Variants in PPP1R36 observed in about 807,000 individuals in gnomAD.
PPP1R36 encodes protein phosphatase 1 regulatory subunit 36.
Under a neutral mutation model 53.4 loss-of-function variants are expected in PPP1R36, and 47 were observed. The ratio of observed to expected loss-of-function variants is 0.88; its 90% CI spans 0.70 to 1.12. The LOEUF (loss-of-function observed/expected upper bound fraction) is 1.12, where lower values mean the gene tolerates loss of function less well. PPP1R36 is among the 50% of genes most tolerant of loss of function. PPP1R36 has a pLI of 0.00. For synonymous variants in PPP1R36, 153 were observed against 170.5 expected (o/e 0.90, Z 0.80); for missense variants, 456 against 513.9 (o/e 0.89, Z 1.09).
chr14:64,571,672 G>A (rs894255085), intron 7 of PPP1R36, among the ~76,000 whole-genome samples: 3 of 152,072 alleles, frequency 2.0e-5, no homozygotes, highest in Non-Finnish European at 4.4e-5. Context: ...TGACCGTATT[G>A]CTGCTCCCTT....
At chr14:64,570,308 C>T (rs2080292943) in intron 7 of PPP1R36, among the ~76,000 whole-genome samples, 1 of 151,806 alleles carries the variant, frequency 6.6e-6, no homozygotes, top group South Asian at 2.1e-4. Flanking sequence ...ATGGTGAAAC[C>T]CCATCTCTAC....
At chr14:64,567,364 T>TA (rs1355719339) in intron 6 of PPP1R36, among the ~76,000 whole-genome samples, 13 of 152,184 alleles carry the variant, frequency 8.5e-5, no homozygotes, top group Non-Finnish European at 1.5e-4. Flanking sequence ...TATAATATTT[T>TA]TAAAAAAACC....
chr14:64,580,537 GC>G (rs1268283026), intron 8 of PPP1R36, among the ~76,000 whole-genome samples: 4 of 152,086 alleles, frequency 2.6e-5, no homozygotes, highest in African/African-American at 9.7e-5. Context: ...GTAGATGATG[GC>G]CTCTGGTTAG....
intron 8 of PPP1R36, among the ~76,000 whole-genome samples, chr14:64,582,080 A>G (rs2080393987): frequency 1.3e-5 from 2 of 152,074 alleles, no homozygotes; most frequent in South Asian, 4.2e-4. Flanking sequence ...GCTGACGGGG[A>G]AAAAGGGAGT....
chr14:64,554,142 G>GTTTTTTTTTTTT (rs367753961), intron 3 of PPP1R36, among the ~76,000 whole-genome samples: 2 of 65,290 alleles, frequency 3.1e-5, no homozygotes, highest in African/African-American at 1.2e-4. Context: ...CATCACAATT[G>GTTTTTTTTTTTT]TTTTTTTTTT....
At chr14:64,558,189 A>G (rs1234906913) in intron 3 of PPP1R36, among the ~76,000 whole-genome samples, 5 of 152,176 alleles carry the variant, frequency 3.3e-5, no homozygotes, top group African/African-American at 1.2e-4. Flanking sequence ...ATCCATAGGG[A>G]CTAGGTGAGA....
intron 8 of PPP1R36, among the ~76,000 whole-genome samples, chr14:64,577,101 A>G (rs1025241886): frequency 6.6e-6 from 1 of 152,174 alleles, no homozygotes; most frequent in Non-Finnish European, 1.5e-5. Context: ...GGCTCTGGTG[A>G]GGGCCCTCTT....
chr14:64,551,056 G>A (rs2080090768), intron 2 of PPP1R36, 71 bp downstream of exon 2: 2 of 996,304 alleles, frequency 2.0e-6, no homozygotes, highest in South Asian at 2.9e-5. Flanking sequence ...AAAAGCAACA[G>A]AAGAGTATAG....
chr14:64,574,518 CT>C lies in PPP1R36; in HGVS notation c.599del (p.Leu200TrpfsTer57), dbSNP rs763355100. 2 of 1,613,954 alleles carry C rather than the reference CT, an allele frequency of 1.2e-6. No individual in the cohort carries two copies. The highest frequency in any genetic ancestry group is 1.7e-6 in the Non-Finnish European group (2 of 1,179,962). On this transcript the variant is annotated frameshift_variant, in exon 8 of 12. Transcript: ENST00000298705. LOFTEE classifies it high-confidence loss of function. Reference protein sequence around the residue: ...LSELEAAQRYLAQKYCILVLG... With the variant: ...LSELEAAQRYXAQKYCILVLG... ...GTGAATTAGAAGCAGCACAGAGGTA[CT>C]TGGCGCAGAAGTACTGTATCCTTGT...
Position 64,571,636 on chromosome 14 carries a change from T to C in PPP1R36, c.534-2819T>C, listed in dbSNP as rs576285627. ...AAGACTCACTCATAAGTTAGGTTAA[T>C]AAGCATCAAGTCCTTAAACAATACC... On this transcript the variant is annotated intron_variant, in intron 7 of 11. Coordinates refer to ENST00000298705, the MANE Select transcript of PPP1R36 (RefSeq NM_172365.3). Among the ~76,000 whole-genome samples, 8 of 152,300 alleles carry C rather than the reference T, an allele frequency of 5.3e-5. No individual in the cohort carries two copies. The East Asian group carries it at 1.5e-3, about 29-fold the overall frequency.
intron 8 of PPP1R36, among the ~76,000 whole-genome samples, chr14:64,576,387 C>T (rs185364886): frequency 3.3e-5 from 5 of 152,182 alleles, no homozygotes; most frequent in African/African-American, 1.2e-4. Context: ...CGCCCTAATT[C>T]GTTCTTTAGT....
Position 64,564,831 on chromosome 14 carries a change from C to A in PPP1R36, c.263C>A (p.Ser88Ter). ...VHFAETDGPASDRLTDKRLAA... is the reference protein window; with the variant it reads ...VHFAETDGPA ...TTTGCAGAAACTGATGGTCCAGCTT[C>A]AGACAGGTAGATTAACTTCCCAATC... Residue 88 changes from serine to a stop codon, truncating the protein, a stop_gained, in exon 4 of 12, where the codon TCA becomes TAA. Coordinates refer to ENST00000298705, the MANE Select transcript of PPP1R36 (RefSeq NM_172365.3). LOFTEE classifies it high-confidence loss of function. 6.2e-7 allele frequency: 1 copy of A among 1,601,420 alleles called. No homozygotes were observed. Among genetic ancestry groups the A allele is most frequent in the Non-Finnish European group, 8.5e-7 (1 of 1,174,282 alleles).
chr14:64,577,682 A>G (rs2080353682), intron 8 of PPP1R36, among the ~76,000 whole-genome samples: 1 of 149,586 alleles, frequency 6.7e-6, no homozygotes, highest in South Asian at 2.1e-4. Flanking sequence ...AACATATCCA[A>G]CATCATAGCA....
intron 7 of PPP1R36, among the ~76,000 whole-genome samples, chr14:64,571,933 G>A (rs2080306993): frequency 6.6e-6 from 1 of 152,026 alleles, no homozygotes; most frequent in Admixed American, 6.5e-5. Context: ...AACAGCATGG[G>A]AAAGACCCGC....
At chr14:64,555,265 C>T (rs1230964149) in intron 3 of PPP1R36, among the ~76,000 whole-genome samples, 1 of 152,176 alleles carries the variant, frequency 6.6e-6, no homozygotes, top group African/African-American at 2.4e-5. Flanking sequence ...AATTGTCTAT[C>T]GCTGAAAATT....
In PPP1R36 at chr14:64,570,663, G is replaced by T. The variant is rs191299074; in HGVS notation, c.533+2216G>T. On this transcript the variant is annotated intron_variant, in intron 7 of 11. Transcript: ENST00000298705. ...AATACCAAGATAGAGCATAGGGATA[G>T]TAATAGCATTTAATTCACAGAGTTA... Among the ~76,000 whole-genome samples the T allele has an allele frequency of 7.4e-3, 1,120 of 152,336 alleles. 8 individuals carry two copies. The highest frequency in any genetic ancestry group is 0.01 in the Middle Eastern group (3 of 294).
intron 3 of PPP1R36, among the ~76,000 whole-genome samples, chr14:64,553,391 T>C (rs2080113512): frequency 6.6e-6 from 1 of 152,256 alleles, no homozygotes; most frequent in Admixed American, 6.5e-5. Flanking sequence ...ATATTCATAT[T>C]CATAAACTAG....
chr14:64,569,597 A>G (rs181744507), intron 7 of PPP1R36, among the ~76,000 whole-genome samples: 2 of 152,314 alleles, frequency 1.3e-5, no homozygotes, highest in East Asian at 3.9e-4. Context: ...GTGGACTTAG[A>G]AGGTTTGAAG....
At chr14:64,570,410 A>G (rs937383736) in intron 7 of PPP1R36, among the ~76,000 whole-genome samples, 15 of 152,138 alleles carry the variant, frequency 9.9e-5, no homozygotes, top group Non-Finnish European at 2.1e-4. Context: ...TGAACCTGGG[A>G]GGCAGAGGTT....
Sources: allele counts gnomAD v4.1 joint callset (sites outside exome capture counted in the v4.1 genomes callset), GRCh38; gene constraint gnomAD v4.1.1; transcripts MANE v1.5; gene names NCBI Gene and HGNC (gene_info 2026-07-23, HGNC 2026-07-21).